The following CTNNB1 variants were observed in gnomAD, a reference collection of about 807,000 sequenced individuals.
CTNNB1 encodes catenin beta-1.
Under a neutral mutation model 82.5 loss-of-function variants are expected in CTNNB1, and 6 were observed. The observed-to-expected ratio is 0.07, with a 90% CI of 0.04 to 0.14. The LOEUF (loss-of-function observed/expected upper bound fraction) is 0.14. CTNNB1 is among the 10% of genes least tolerant of loss of function. The probability of loss-of-function intolerance (pLI) is 1.00; values close to 1 mark genes in which losing one functional copy is unlikely to be tolerated. For missense variants in CTNNB1, 529 were observed against 980.4 expected, an observed-to-expected ratio of 0.54 and a Z score of 6.15; for synonymous variants, 312 against 329.7, an observed-to-expected ratio of 0.95 and a Z score of 0.58.
At chr3:41,221,507 A>G (rs1020084877) in intron 1 of CTNNB1, 2 of 152,046 alleles carry the variant, frequency 1.3e-5, no homozygotes, top group African/African-American at 4.8e-5. Context: ...ACACCTGGCT[A>G]ATTTTTAACA....
At position 41,238,582 on chromosome 3, in the gene CTNNB1, C is replaced by CTAA. The variant is rs1328115561; in HGVS notation, c.2137+508_2137+510dup. ...CATTTATAACCGCATCTGCTTCTAC[C>CTAA]TAATTATGAAACCACTAAAGCGCAG... On this transcript the variant is annotated intron_variant, in intron 14 of 14. Coordinates refer to ENST00000349496, the MANE Select transcript of CTNNB1 (RefSeq NM_001904.4). 13 of 192,676 alleles carry CTAA rather than the reference C, an allele frequency of 6.7e-5. No individual in the cohort carries two copies. The Admixed American group carries it at 6.9e-4, about 10-fold the overall frequency. The allele number at this position is 192,676 out of a possible 1,614,324, so 11.9% of individuals were successfully genotyped here. A position where few individuals can be genotyped will look rare whatever the true frequency, so the allele number is the denominator to read the frequency against.
Position 41,234,229 on chromosome 3 carries a change from T to C in CTNNB1, c.1615T>C (p.Leu539=). ...EQGAIPRLVQ[L]LVRAHQDTQR... is the part of the protein sequence containing the mutation. ...GGGTGCCATTCCACGACTAGTTCAGTTGCTTGTTCGTGCACATCAGGATAC... is the reference window on the plus strand; with the variant it reads ...GGGTGCCATTCCACGACTAGTTCAGCTGCTTGTTCGTGCACATCAGGATAC... The change falls in exon 10 of 15, where the codon TTG becomes CTG. Residue 539 remains leucine, a synonymous_variant. Transcript: ENST00000349496. The C allele has an allele frequency of 1.2e-6, 2 of 1,614,204 alleles. No homozygotes were observed. Among genetic ancestry groups the C allele is most frequent in the Non-Finnish European group, 1.7e-6 (2 of 1,180,030 alleles).
intron 1 of CTNNB1, among the ~76,000 whole-genome samples, chr3:41,212,091 CTGA>C (rs1396770064): frequency 6.6e-6 from 1 of 152,190 alleles, no homozygotes; most frequent in Non-Finnish European, 1.5e-5. Context: ...GCCTTCATGG[CTGA>C]TGTCAGATGT....
At position 41,199,590 on chromosome 3, in the gene CTNNB1, G is replaced by A. The variant is rs554092246; in HGVS notation, c.-129G>A. Reference sequence around the variant, plus strand: ...GCGGAGACGGAGGAAGGTCTGAGGAGCAGCTTCAGTCCCCGCCGAGCCGCC... The same window carrying A: ...GCGGAGACGGAGGAAGGTCTGAGGAACAGCTTCAGTCCCCGCCGAGCCGCC... On this transcript the variant is annotated 5_prime_UTR_variant, in exon 1 of 15. Transcript: ENST00000349496. 659 of 153,010 alleles carry A rather than the reference G, an allele frequency of 4.3e-3. 4 individuals carry two copies. The highest frequency in any genetic ancestry group is 7.6e-3 in the Non-Finnish European group (520 of 68,710). The allele number at this position is 153,010 out of a possible 1,614,324, so 9.5% of individuals were successfully genotyped here.
At chr3:41,233,911 A>G (rs1397325332) in intron 9 of CTNNB1, 44 bp downstream of exon 9, 2 of 1,594,374 alleles carry the variant, frequency 1.3e-6, no homozygotes, top group Non-Finnish European at 1.7e-6. Context: ...AGAATTGAAA[A>G]TGAAGCATCT....
Position 41,203,011 on chromosome 3 carries a change from G to A in CTNNB1, c.-49+3341G>A, listed in dbSNP as rs144638947. Among the ~76,000 whole-genome samples the A allele has an allele frequency of 1.9e-3, 287 of 147,706 alleles. 1 individual carries two copies. Among genetic ancestry groups the A allele is most frequent in the Non-Finnish European group, 3.1e-3 (211 of 67,578 alleles). On this transcript the variant is annotated intron_variant, in intron 1 of 14. Coordinates refer to ENST00000349496, the MANE Select transcript of CTNNB1 (RefSeq NM_001904.4). ...TGAAAGATAAAGTCAATCACATTAG[G>A]AACCCATTTTTAGGGTTTAGCCACT... is the stretch of plus-strand genomic sequence containing the variant.
chr3:41,200,843 T>C (rs2077513658), intron 1 of CTNNB1, among the ~76,000 whole-genome samples: 3 of 152,210 alleles, frequency 2.0e-5, no homozygotes, highest in African/African-American at 7.2e-5. Flanking sequence ...GGGAGCGTTG[T>C]CTCCTACTTT....
At chr3:41,208,238 T>C (rs2077694853) in intron 1 of CTNNB1, among the ~76,000 whole-genome samples, 1 of 152,222 alleles carries the variant, frequency 6.6e-6, no homozygotes, top group South Asian at 2.1e-4. Flanking sequence ...CTAAGTTTAC[T>C]GTTTAGCTTA....
intron 7 of CTNNB1, among the ~76,000 whole-genome samples, chr3:41,229,840 A>G (rs2078264033): frequency 6.6e-6 from 1 of 151,528 alleles, no homozygotes; most frequent in Admixed American, 6.6e-5. Flanking sequence ...CAATTGGGGA[A>G]AAGAATAGAT....
At chr3:41,236,268 G>T in intron 11 of CTNNB1, 81 bp from the exon 12 acceptor site, 1 of 1,521,764 alleles carries the variant, frequency 6.6e-7, no homozygotes, top group Non-Finnish European at 9.1e-7. Flanking sequence ...ACTCTGAATT[G>T]GGAATGTTTG....
intron 2 of CTNNB1, 143 bp from the exon 3 acceptor site, chr3:41,224,383 C>G (rs1478471136): frequency 1.1e-6 from 1 of 890,684 alleles, no homozygotes; most frequent in African/African-American, 1.7e-5. Flanking sequence ...CTAACCCTGG[C>G]TATCATTCTG....
chr3:41,233,218 T>A (rs1017343106), intron 7 of CTNNB1, 123 bp from the exon 8 acceptor site: 5 of 817,694 alleles, frequency 6.1e-6, no homozygotes, highest in East Asian at 5.3e-5. Context: ...ATCAAATACT[T>A]AGGTGAAAGG....
intron 7 of CTNNB1, among the ~76,000 whole-genome samples, chr3:41,228,727 T>C (rs910362184): frequency 1.3e-5 from 2 of 152,206 alleles, no homozygotes; most frequent in Non-Finnish European, 2.9e-5. Flanking sequence ...AGAAGCTCTT[T>C]ATACTGTCCC....
chr3:41,238,119 A>C, intron 14 of CTNNB1, 43 bp downstream of exon 14: 2 of 1,573,050 alleles, frequency 1.3e-6, no homozygotes, highest in Non-Finnish European at 1.8e-6. Flanking sequence ...ATCAAGCTAA[A>C]GTTCTAAAAC....
intron 14 of CTNNB1, 27 bp downstream of exon 14, chr3:41,238,103 C>G: frequency 6.3e-7 from 1 of 1,597,432 alleles, no homozygotes. Flanking sequence ...TCTCGATTAA[C>G]TCCAGATCAA....
At chr3:41,199,821 A>G (rs1418936646) in intron 1 of CTNNB1, 151 bp downstream of exon 1, 1 of 130,204 alleles carries the variant, frequency 7.7e-6, no homozygotes, top group Non-Finnish European at 1.6e-5. Context: ...GGGGACGGTG[A>G]GGGTGGGCCG....
At chr3:41,219,347 A>G (rs2077988562) in intron 1 of CTNNB1, among the ~76,000 whole-genome samples, 1 of 152,214 alleles carries the variant, frequency 6.6e-6, no homozygotes, top group Non-Finnish European at 1.5e-5. Context: ...CACACATGCA[A>G]AGGATGTTAC....
chr3:41,201,775 G>GT (rs2077536286), intron 1 of CTNNB1, among the ~76,000 whole-genome samples: 1 of 151,974 alleles, frequency 6.6e-6, no homozygotes, highest in African/African-American at 2.4e-5. Flanking sequence ...TGGAAGAGGG[G>GT]TTTTTTAAAC....
intron 1 of CTNNB1, chr3:41,200,225 T>G (rs535661529): frequency 6.6e-6 from 1 of 152,182 alleles, no homozygotes; most frequent in African/African-American, 2.4e-5. Flanking sequence ...AATAGAAGTG[T>G]TATTATTTTT....
Sources: gnomAD v4.1 joint callset for allele counts (sites outside exome capture counted in the v4.1 genomes callset) on GRCh38, gnomAD v4.1.1 for gene constraint, MANE v1.5 for transcripts, NCBI Gene and HGNC (gene_info 2026-07-23, HGNC 2026-07-21) for gene names.